Variants in NUGGC observed in about 807,000 individuals in gnomAD.
NUGGC encodes the protein nuclear GTPase, germinal center associated, also known as nuclear GTPase SLIP-GC.
A neutral mutation model predicts 92.6 loss-of-function variants in NUGGC; 58 were observed. The ratio of observed to expected loss-of-function variants is 0.63; its 90% CI spans 0.51 to 0.78. The LOEUF (loss-of-function observed/expected upper bound fraction) is 0.78, where lower values mean the gene tolerates loss of function less well. Ranked by LOEUF, NUGGC falls within the 30% of genes least tolerant of loss-of-function variation. NUGGC has a pLI of 0.00. For missense variants in NUGGC, 925 were observed against 964.6 expected, an observed-to-expected ratio of 0.96 and a Z score of 0.54; for synonymous variants, 376 against 366.4, an observed-to-expected ratio of 1.03 and a Z score of -0.30.
At chr8:28,043,970 T>C (rs1175359776) in intron 12 of NUGGC, among the ~76,000 whole-genome samples, 1 of 152,162 alleles carries the variant, frequency 6.6e-6, no homozygotes, top group Admixed American at 6.5e-5. Context: ...TCATAAGAAA[T>C]AGATTTAAAA....
intron 18 of NUGGC, among the ~76,000 whole-genome samples, chr8:28,024,083 G>A (rs1809188241): frequency 6.6e-6 from 1 of 151,976 alleles, no homozygotes; most frequent in South Asian, 2.1e-4. Flanking sequence ...CAGTACAATG[G>A]CATGATCTTG....
At chr8:28,044,660 C>T (rs1809782460) in intron 12 of NUGGC, among the ~76,000 whole-genome samples, 1 of 152,174 alleles carries the variant, frequency 6.6e-6, no homozygotes. Context: ...CTTTAGCCTC[C>T]TGGGTTGTTA....
intron 7 of NUGGC, among the ~76,000 whole-genome samples, chr8:28,061,166 C>T (rs890289142): frequency 3.9e-5 from 6 of 152,196 alleles, no homozygotes; most frequent in Non-Finnish European, 7.3e-5. Context: ...TTTGGTGGTG[C>T]ACCTACCCTC....
chr8:28,076,905 A>G (rs1043891526), intron 1 of NUGGC, among the ~76,000 whole-genome samples: 1 of 152,240 alleles, frequency 6.6e-6, no homozygotes, highest in African/African-American at 2.4e-5. Context: ...TTTTGGTTTA[A>G]CATTCTCAAC....
At chr8:28,052,131 T>C (rs1343030962) in intron 10 of NUGGC, among the ~76,000 whole-genome samples, 1 of 152,186 alleles carries the variant, frequency 6.6e-6, no homozygotes, top group East Asian at 1.9e-4. Context: ...AACTAGTAAC[T>C]CAAATCCATA....
At chr8:28,043,348 A>T (rs927005933) in intron 12 of NUGGC, among the ~76,000 whole-genome samples, 1 of 152,246 alleles carries the variant, frequency 6.6e-6, no homozygotes, top group Non-Finnish European at 1.5e-5. Flanking sequence ...ATGATTGCTC[A>T]TTTAAAATCA....
intron 17 of NUGGC, among the ~76,000 whole-genome samples, chr8:28,028,041 A>G (rs1015689090): frequency 6.6e-6 from 1 of 151,038 alleles, no homozygotes; most frequent in Non-Finnish European, 1.5e-5. Context: ...TAAAAAACTA[A>G]AAGTTAACTG....
chr8:28,030,595 G>A (rs918430744), intron 15 of NUGGC, among the ~76,000 whole-genome samples, 177 bp from the exon 16 acceptor site: 1 of 152,172 alleles, frequency 6.6e-6, no homozygotes, highest in African/African-American at 2.4e-5. Context: ...TCTGTTCTAA[G>A]CATCTTTATA....
At chr8:28,033,861 TC>T (rs1179362162) in intron 13 of NUGGC, among the ~76,000 whole-genome samples, 164 bp from the exon 14 acceptor site, 33 of 152,336 alleles carry the variant, frequency 2.2e-4, no homozygotes, top group Non-Finnish European at 3.7e-4. Flanking sequence ...AGGACAGTGG[TC>T]ACGCCTCTAG....
At position 28,051,013 on chromosome 8, in the gene NUGGC, G is replaced by A. The variant is rs564207144; in HGVS notation, c.1207-3401C>T. On this transcript the variant is annotated intron_variant, in intron 10 of 18. Transcript: ENST00000413272. ...TCTTTTTTTGCTGTTGTTAGAGATG[G>A]GGGTCTTGCTATGTTGCCCTAGCTG... Among the ~76,000 whole-genome samples the A allele has an allele frequency of 3.9e-5, 6 of 152,154 alleles. No individual in the cohort carries two copies. The East Asian group carries it at 5.8e-4, about 15-fold the overall frequency.
intron 9 of NUGGC, among the ~76,000 whole-genome samples, chr8:28,056,962 G>A (rs1003173252): frequency 1.3e-5 from 2 of 152,184 alleles, no homozygotes; most frequent in Admixed American, 6.5e-5. Context: ...CAAACACCAT[G>A]TGATACTAAT....
At chr8:28,070,434 A>G in intron 2 of NUGGC, 78 bp from the exon 3 acceptor site, 1 of 744,730 alleles carries the variant, frequency 1.3e-6, no homozygotes, top group Non-Finnish European at 2.3e-6. Flanking sequence ...CAGCATAGAA[A>G]CTCAAAGGGT....
chr8:28,045,506 A>G (rs1585569299), intron 12 of NUGGC, 21 bp downstream of exon 12: 1 of 1,606,264 alleles, frequency 6.2e-7, no homozygotes, highest in East Asian at 2.2e-5. Context: ...GGAGAATATG[A>G]AAACCCAGTG....
At chr8:28,080,166 C>T (rs1267168909) in intron 1 of NUGGC, among the ~76,000 whole-genome samples, 1 of 151,896 alleles carries the variant, frequency 6.6e-6, no homozygotes, top group Non-Finnish European at 1.5e-5. Flanking sequence ...GGTCTCGAAC[C>T]CCTGACCTCA....
intron 10 of NUGGC, among the ~76,000 whole-genome samples, chr8:28,051,626 T>G (rs1025467846): frequency 6.6e-6 from 1 of 152,186 alleles, no homozygotes; most frequent in Non-Finnish European, 1.5e-5. Context: ...CAGTTTATAG[T>G]AAAAACTGAG....
chr8:28,049,044 C>G (rs1809920952), intron 10 of NUGGC, among the ~76,000 whole-genome samples: 1 of 151,788 alleles, frequency 6.6e-6, no homozygotes, highest in African/African-American at 2.4e-5. Flanking sequence ...TGTGCATGTG[C>G]GTGTGTGGGT....
chr8:28,065,315 C>T (rs777969017), intron 6 of NUGGC, among the ~76,000 whole-genome samples: 3 of 151,960 alleles, frequency 2.0e-5, no homozygotes, highest in Non-Finnish European at 2.9e-5. Context: ...CCCGCAACCA[C>T]GCCCGGCTAA....
intron 18 of NUGGC, 49 bp from the exon 19 acceptor site, chr8:28,023,511 A>G: frequency 6.4e-7 from 1 of 1,570,548 alleles, no homozygotes; most frequent in Non-Finnish European, 8.7e-7. Flanking sequence ...CCGTTGCAGA[A>G]ACGTCTCCAG....
intron 13 of NUGGC, among the ~76,000 whole-genome samples, chr8:28,038,304 T>C (rs576568129): frequency 2.0e-5 from 3 of 152,334 alleles, no homozygotes; most frequent in South Asian, 4.1e-4. Context: ...CCAAATGCTC[T>C]CTTAACTCTT....
Sources: allele counts gnomAD v4.1 joint callset (sites outside exome capture counted in the v4.1 genomes callset), GRCh38; gene constraint gnomAD v4.1.1; transcripts MANE v1.5; gene names NCBI Gene and HGNC (gene_info 2026-07-23, HGNC 2026-07-21).